Variants in MAP1B observed in about 807,000 individuals in gnomAD.
MAP1B encodes the protein microtubule-associated protein 1B.
Under a neutral mutation model 176.1 loss-of-function variants are expected in MAP1B, and 12 were observed. The observed-to-expected ratio is 0.07, with a 90% CI of 0.04 to 0.11. The LOEUF is 0.11. Ranked by LOEUF, MAP1B falls within the 10% of genes least tolerant of loss-of-function variation. The pLI is 1.00. For synonymous variants in MAP1B, 1,044 were observed against 1,135.0 expected (o/e 0.92, Z 1.61); for missense variants, 2,523 against 2,990.5 (o/e 0.84, Z 3.65).
Position 72,206,517 on chromosome 5 carries a change from A to T in MAP1B, c.*1278A>T, listed in dbSNP as rs552781794. The stretch of plus-strand genomic sequence containing the variant: ...TGGAAGAGGTTCTCAGCAAGTGTAC[A>T]GTATTTACCTTCCTTTGTCTTACAT... On this transcript the variant is annotated 3_prime_UTR_variant, in exon 7 of 7. Transcript: ENST00000296755. 2 of 152,786 alleles carry T rather than the reference A, an allele frequency of 1.3e-5. No individual in the cohort carries two copies. Among genetic ancestry groups the T allele is most frequent in the South Asian group, 2.1e-4 (1 of 4,826 alleles). 9.5% of individuals were successfully genotyped at this position (152,786 alleles called of 1,614,324 possible).
At chr5:72,128,144 T>C (rs1745661401) in intron 2 of MAP1B, among the ~76,000 whole-genome samples, 1 of 152,220 alleles carries the variant, frequency 6.6e-6, no homozygotes, top group African/African-American at 2.4e-5. Context: ...AACAGTAGAA[T>C]TGAATCTTCC....
rs1485088045 is a variant in MAP1B, at chr5:72,197,815, A to G, written c.4460A>G (p.Gln1487Arg). The change falls in exon 5 of 7, where the codon CAA becomes CGA. Residue 1487 changes from glutamine (Q) to arginine (R), a missense_variant. Transcript: ENST00000296755. ...KTDDVEAMSS[Q>R]PALALDERKL... The stretch of plus-strand genomic sequence containing the variant: ...GATGATGTTGAAGCCATGAGTTCTC[A>G]ACCAGCACTGGCTCTGGATGAAAGG... The G allele has an allele frequency of 6.2e-7, 1 of 1,614,238 alleles. No individual in the cohort carries two copies. The highest frequency in any genetic ancestry group is 1.1e-5 in the South Asian group (1 of 91,090).
intron 2 of MAP1B, among the ~76,000 whole-genome samples, chr5:72,119,701 A>G (rs1029553970): frequency 6.6e-6 from 1 of 151,836 alleles, no homozygotes; most frequent in Non-Finnish European, 1.5e-5. Context: ...TAGAGATTGG[A>G]TTTCCCCATG....
At chr5:72,126,785 T>C (rs567772084) in intron 2 of MAP1B, among the ~76,000 whole-genome samples, 15 of 152,352 alleles carry the variant, frequency 9.8e-5, no homozygotes, top group South Asian at 2.1e-4. Flanking sequence ...TTAGGAAAGA[T>C]GCACAGCTTT....
Position 72,199,922 on chromosome 5 carries a change from A to C in MAP1B, c.6567A>C (p.Thr2189=). ...DSEDESETIP[T]DKTVTYKHMD... ...AAGACGAGTCGGAAACCATCCCCAC[A>C]GACAAAACTGTCACGTACAAACACA... is the stretch of plus-strand genomic sequence containing the variant. The change falls in exon 5 of 7, where the codon ACA becomes ACC. Residue 2189 remains threonine, a synonymous_variant. Coordinates refer to ENST00000296755, the MANE Select transcript of MAP1B (RefSeq NM_005909.5). The surrounding 1 kb of genome is among the most constrained non-coding windows in gnomAD (Gnocchi z 4.2). 1.2e-6 allele frequency: 2 copies of C among 1,614,204 alleles called. No homozygotes were observed. The highest frequency in any genetic ancestry group is 1.7e-6 in the Non-Finnish European group (2 of 1,180,034).
rs1454786028 is a variant in MAP1B at position 72,196,881 on chromosome 5, A to G, written c.3526A>G (p.Lys1176Glu). 4 of 1,614,228 alleles carry G rather than the reference A, an allele frequency of 2.5e-6. No homozygotes were observed. The African/African-American group carries it at 4.0e-5, about 16-fold the overall frequency. Residue 1176 changes from lysine (K) to glutamate (E), a missense_variant, in exon 5 of 7, where the codon AAA (lysine) becomes GAA (glutamate). By Grantham distance (56) the Lys-to-Glu change is moderately conservative. Transcript: ENST00000296755. The surrounding 1 kb of genome is among the most constrained non-coding windows in gnomAD (Gnocchi z 5.3). ...ESSLYSQEYSKPADVTPLNGF... is the reference protein window; with the variant it reads ...ESSLYSQEYSEPADVTPLNGF... The stretch of plus-strand genomic sequence containing the variant: ...TTCATTGTATTCTCAGGAATACTCT[A>G]AACCTGCTGATGTTACACCGCTCAA...
rs149814954 is a variant in MAP1B at position 72,125,841 on chromosome 5, G to A, written c.286+10042G>A. Among the ~76,000 whole-genome samples the A allele has an allele frequency of 2.7e-3, 412 of 152,206 alleles. 1 individual carries two copies. Among genetic ancestry groups the A allele is most frequent in the African/African-American group, 9.7e-3 (402 of 41,486 alleles). ...AGTTTGGAGCTACATTTTAGATTAAGCCCATTAATTCAATGATGAAGAGTT... is the reference window on the plus strand; with the variant it reads ...AGTTTGGAGCTACATTTTAGATTAAACCCATTAATTCAATGATGAAGAGTT... On this transcript the variant is annotated intron_variant, in intron 2 of 6. Transcript: ENST00000296755.
chr5:72,120,428 T>C (rs1745506558), intron 2 of MAP1B, among the ~76,000 whole-genome samples: 1 of 148,958 alleles, frequency 6.7e-6, no homozygotes, highest in Admixed American at 6.7e-5. Context: ...TTTCTTTCTT[T>C]TTTTTTTTTT....
intron 2 of MAP1B, among the ~76,000 whole-genome samples, chr5:72,159,194 A>C (rs552938451): frequency 4.6e-5 from 7 of 152,182 alleles, no homozygotes; most frequent in Admixed American, 1.3e-4. Context: ...AGACTGGAAG[A>C]AAAAAAACAG....
At chr5:72,129,812 G>A (rs753581279) in intron 2 of MAP1B, among the ~76,000 whole-genome samples, 12 of 152,154 alleles carry the variant, frequency 7.9e-5, no homozygotes, top group Non-Finnish European at 1.8e-4. Context: ...CATGAGATCA[G>A]TGCCTGCTTT....
At chr5:72,113,559 A>G (rs1210959474) in intron 1 of MAP1B, among the ~76,000 whole-genome samples, 1 of 152,260 alleles carries the variant, frequency 6.6e-6, no homozygotes, top group Non-Finnish European at 1.5e-5. Context: ...GCAAGTAACA[A>G]TGTAAGAGCA....
At chr5:72,159,896 C>T (rs1239944178) in intron 2 of MAP1B, among the ~76,000 whole-genome samples, 6 of 152,242 alleles carry the variant, frequency 3.9e-5, no homozygotes, top group South Asian at 2.1e-4. Flanking sequence ...TCCAGCCACA[C>T]GAAATAATAC....
chr5:72,195,281 A>C lies in MAP1B; in HGVS notation c.1926A>C (p.Thr642=). 1 of 1,613,790 alleles carries C rather than the reference A, an allele frequency of 6.2e-7. No individual in the cohort carries two copies. Among genetic ancestry groups the C allele is most frequent in the Non-Finnish European group, 8.5e-7 (1 of 1,179,966 alleles). The change falls in exon 5 of 7, where the codon ACA becomes ACC. Residue 642 remains threonine (T), a synonymous_variant. Coordinates refer to ENST00000296755, the MANE Select transcript of MAP1B (RefSeq NM_005909.5). ...AAKEKTVKKE[T]KVKPEDKKEE... is the part of the protein sequence containing the mutation. ...AGGAGAAGACGGTGAAAAAGGAAAC[A>C]AAGGTAAAGCCTGAAGACAAGAAAG...
chr5:72,139,717 T>C (rs530026262), intron 2 of MAP1B, among the ~76,000 whole-genome samples: 61 of 152,320 alleles, frequency 4.0e-4, no homozygotes, highest in Non-Finnish European at 5.6e-4. Flanking sequence ...TGTCCCTGAA[T>C]ATGAGGAAAC....
chr5:72,155,461 C>T (rs1746210734), intron 2 of MAP1B, among the ~76,000 whole-genome samples: 3 of 152,174 alleles, frequency 2.0e-5, no homozygotes, highest in Admixed American at 2.0e-4. Flanking sequence ...GTTATACTAA[C>T]AATAAGAATA....
At chr5:72,203,460 T>G in intron 5 of MAP1B, 103 bp from the exon 6 acceptor site, 1 of 829,738 alleles carries the variant, frequency 1.2e-6, no homozygotes, top group African/African-American at 1.7e-5. Context: ...AGGACCTACT[T>G]GTGATTGAAT....
intron 2 of MAP1B, among the ~76,000 whole-genome samples, chr5:72,141,081 A>G (rs1337382071): frequency 6.6e-6 from 1 of 152,152 alleles, no homozygotes; most frequent in African/African-American, 2.4e-5. Context: ...TGGAGCATTG[A>G]CCAGGCCAGT....
intron 2 of MAP1B, among the ~76,000 whole-genome samples, chr5:72,133,683 T>C (rs1745779198): frequency 6.6e-6 from 1 of 152,228 alleles, no homozygotes; most frequent in Non-Finnish European, 1.5e-5. Context: ...TAAATAACAA[T>C]GCTTTTACAA....
chr5:72,117,489 T>C (rs949346549), intron 2 of MAP1B, among the ~76,000 whole-genome samples: 3 of 152,222 alleles, frequency 2.0e-5, no homozygotes, highest in Non-Finnish European at 4.4e-5. Flanking sequence ...GAGTGACAAC[T>C]GCATATTGCA....
Sources: gnomAD v4.1 joint callset for allele counts (sites outside exome capture counted in the v4.1 genomes callset) on GRCh38, gnomAD v4.1.1 for gene constraint, Gnocchi (gnomAD v3.1) non-coding constraint, MANE v1.5 for transcripts, NCBI Gene and HGNC (gene_info 2026-07-23, HGNC 2026-07-21) for gene names.